Variants in MYBPC1 observed in about 807,000 individuals in gnomAD.
MYBPC1 encodes myosin-binding protein C, slow-type.
MYBPC1 carries 52 observed loss-of-function variants against 147.1 expected under a neutral mutation model. That is an observed-to-expected ratio of 0.35 (90% CI 0.28 to 0.45). MYBPC1 has a LOEUF of 0.45. MYBPC1 is among the 20% of genes least tolerant of loss of function. The pLI is 1.00. For missense variants in MYBPC1, 1,228 were observed against 1,440.3 expected (o/e 0.85, Z 2.39); for synonymous variants, 477 against 475.9 (o/e 1.00, Z -0.03).
chr12:101,630,207 T>C (rs765778724), intron 6 of MYBPC1, among the ~76,000 whole-genome samples: 34 of 152,222 alleles, frequency 2.2e-4, no homozygotes, highest in Non-Finnish European at 4.1e-4. Context: ...TCCACATTGT[T>C]GCATGTATCA....
the MYBPC1 span, among the ~76,000 whole-genome samples, chr12:101,691,141 G>A: frequency 6.6e-6 from 1 of 152,062 alleles, no homozygotes; most frequent in Non-Finnish European, 1.5e-5. Context: ...GCATGATCTG[G>A]GCTCACTGTA....
At chr12:101,597,458 G>A (rs1877774207) in intron 1 of MYBPC1, among the ~76,000 whole-genome samples, 1 of 152,164 alleles carries the variant, frequency 6.6e-6, no homozygotes, top group African/African-American at 2.4e-5. Context: ...AGCACCTGAA[G>A]GTACAAAAAA....
chr12:101,668,895 T>C (rs1414952452), intron 23 of MYBPC1, among the ~76,000 whole-genome samples: 1 of 152,080 alleles, frequency 6.6e-6, no homozygotes, highest in African/African-American at 2.4e-5. Context: ...GAGACCAGCC[T>C]GGGGAACATG....
chr12:101,683,650 C>T (rs1340974335), intron 30 of MYBPC1, among the ~76,000 whole-genome samples: 1 of 152,050 alleles, frequency 6.6e-6, no homozygotes, highest in Non-Finnish European at 1.5e-5. Context: ...ATATGTGATT[C>T]ACCCCCATTT....
At position 101,646,880 on chromosome 12, in the gene MYBPC1, C is replaced by T. The variant is rs576268580; in HGVS notation, c.1083C>T (p.Phe361=). 16 of 1,614,022 alleles carry T rather than the reference C, an allele frequency of 9.9e-6. No homozygotes were observed. In the East Asian group the frequency reaches 1.3e-4, roughly 13 times the overall value. ...AGDEKCSTEL[F]VREPPIMVTK... ...ATGAGAAATGTTCCACTGAGCTCTT[C>T]GTAAGAGGTAAAAATGAAATCTCTT... Residue 361 remains phenylalanine, a synonymous_variant, in exon 13 of 32, where the codon TTC becomes TTT. Transcript: ENST00000361466.
intron 14 of MYBPC1, among the ~76,000 whole-genome samples, 169 bp downstream of exon 14, chr12:101,648,319 T>C (rs1893661889): frequency 6.6e-6 from 1 of 152,178 alleles, no homozygotes; most frequent in Non-Finnish European, 1.5e-5. Context: ...CTGGGGTTTT[T>C]CCACTCATGA....
chr12:101,693,180 T>C, the MYBPC1 span, among the ~76,000 whole-genome samples: 1,016 of 152,190 alleles, frequency 6.7e-3, 5 homozygotes, highest in Non-Finnish European at 1.0e-2. Flanking sequence ...TCTCCTGACC[T>C]CGTGATCCAC....
At chr12:101,677,468 TGTG>T in intron 27 of MYBPC1, 74 bp downstream of exon 27, 1 of 1,571,128 alleles carries the variant, frequency 6.4e-7, no homozygotes, top group Non-Finnish European at 8.7e-7. Flanking sequence ...GAAAAAGAGA[TGTG>T]GTGAAAGGGA....
chr12:101,658,019 T>C (rs1895857518), intron 18 of MYBPC1, among the ~76,000 whole-genome samples: 1 of 151,558 alleles, frequency 6.6e-6, no homozygotes, highest in Admixed American at 6.6e-5. Flanking sequence ...TAGTCCCAGC[T>C]AGTCGGGAGG....
chr12:101,691,786 A>AT, the MYBPC1 span, among the ~76,000 whole-genome samples: 2 of 152,148 alleles, frequency 1.3e-5, no homozygotes, highest in African/African-American at 4.8e-5. Context: ...TAAAATACAT[A>AT]TTTTTTAAAT....
At chr12:101,687,573 T>C (rs1951369927), downstream of MYBPC1, among the ~76,000 whole-genome samples, 1 of 152,202 alleles carries the variant, frequency 6.6e-6, no homozygotes, top group South Asian at 2.1e-4. Flanking sequence ...ACAGTATTGG[T>C]TAAGGTATTT....
chr12:101,609,362 A>G (rs1883445793), intron 1 of MYBPC1, among the ~76,000 whole-genome samples: 1 of 151,850 alleles, frequency 6.6e-6, no homozygotes, highest in South Asian at 2.1e-4. Context: ...TGCAATCTTG[A>G]CTCACTGCAG....
At chr12:101,627,533 GC>G (rs1450319368) in intron 4 of MYBPC1, among the ~76,000 whole-genome samples, 1 of 151,990 alleles carries the variant, frequency 6.6e-6, no homozygotes, top group East Asian at 1.9e-4. Context: ...ATGAACCACC[GC>G]CCCCAGCTGG....
intron 1 of MYBPC1, among the ~76,000 whole-genome samples, chr12:101,599,181 T>C (rs117829782): frequency 2.6e-5 from 4 of 152,328 alleles, no homozygotes; most frequent in South Asian, 2.1e-4. Context: ...CTGATAACTT[T>C]AGGAAGCAAA....
intron 3 of MYBPC1, 78 bp from the exon 4 acceptor site, chr12:101,626,794 T>C (rs1290136007): frequency 2.2e-5 from 28 of 1,251,608 alleles, no homozygotes; most frequent in Non-Finnish European, 1.2e-6. Context: ...TCATCTTCTT[T>C]TTCAGATTTC....
chr12:101,663,052 T>C (rs1214232243), intron 21 of MYBPC1, among the ~76,000 whole-genome samples: 1 of 152,204 alleles, frequency 6.6e-6, no homozygotes, highest in Non-Finnish European at 1.5e-5. Flanking sequence ...TCCATTATTT[T>C]ATGGCAATGA....
rs542781504 is a variant in MYBPC1 at position 101,604,299 on chromosome 12, G to A, written c.25+9204G>A. 2.6e-5 allele frequency among the ~76,000 whole-genome samples: 4 copies of A among 152,074 alleles called. No individual in the cohort carries two copies. The South Asian group carries it at 6.2e-4, about 24-fold the overall frequency. ...AGGACAAAAGAATGAATTGACTAGG[G>A]GAGGAAAAAAAACCCTGTAGATTCA... On this transcript the variant is annotated intron_variant, in intron 1 of 31. Coordinates refer to ENST00000361466, the MANE Select transcript of MYBPC1 (RefSeq NM_002465.4).
At position 101,648,164 on chromosome 12, in the gene MYBPC1, A is replaced by C. The variant is rs1180858745; in HGVS notation, c.1196+14A>C. 3 of 1,582,290 alleles carry C rather than the reference A, an allele frequency of 1.9e-6. No individual in the cohort carries two copies. In the Admixed American group the frequency reaches 5.1e-5, roughly 27 times the overall value. The stretch of plus-strand genomic sequence containing the variant: ...CAATGTAAAATGGTAAATAGCCTTA[A>C]TGAAGTCTGTCCATGTTTAATAGAC... On this transcript the variant is annotated intron_variant, in intron 14 of 31. Coordinates refer to ENST00000361466, the MANE Select transcript of MYBPC1 (RefSeq NM_002465.4).
At chr12:101,690,316 T>C (rs1270055410), downstream of MYBPC1, among the ~76,000 whole-genome samples, 1 of 152,230 alleles carries the variant, frequency 6.6e-6, no homozygotes, top group Non-Finnish European at 1.5e-5. Flanking sequence ...TCTTGTTCCT[T>C]GCTTAGCTAT....
Sources: allele counts gnomAD v4.1 joint callset (sites outside exome capture counted in the v4.1 genomes callset), GRCh38; gene constraint gnomAD v4.1.1; transcripts MANE v1.5; gene names NCBI Gene and HGNC (gene_info 2026-07-23, HGNC 2026-07-21).